Variants in THSD7A observed in about 807,000 individuals in gnomAD.
THSD7A encodes the protein thrombospondin type 1 domain containing 7A.
A neutral mutation model predicts 231.3 loss-of-function variants in THSD7A; 96 were observed. The ratio of observed to expected loss-of-function variants is 0.41; its 90% confidence interval spans 0.35 to 0.49. The LOEUF is 0.49. Among genes scored for constraint, THSD7A ranks in the 20% least tolerant of loss-of-function variants. The pLI is 0.05. For missense variants in THSD7A, 2,290 were observed against 2,070.2 expected, an observed-to-expected ratio of 1.11 and a Z score of -2.06; for synonymous variants, 940 against 743.3, an observed-to-expected ratio of 1.26 and a Z score of -4.30.
chr7:11,507,376 T>G (rs867794582), intron 6 of THSD7A, among the ~76,000 whole-genome samples: 1 of 152,192 alleles, frequency 6.6e-6, no homozygotes. Flanking sequence ...TTTAGTGACT[T>G]TATATATTGT....
chr7:11,426,058 TA>T (rs11342645), intron 15 of THSD7A, among the ~76,000 whole-genome samples: 46,777 of 135,698 alleles, frequency 0.34, 7,330 homozygotes, highest in Middle Eastern at 0.48. Flanking sequence ...TAGAGTATAA[TA>T]AAAAAAAAAA....
At chr7:11,566,419 T>C (rs10280061) in intron 4 of THSD7A, among the ~76,000 whole-genome samples, 78,523 of 152,034 alleles carry the variant, frequency 0.52, 20,437 homozygotes, top group Middle Eastern at 0.67. Context: ...ACTAGGGATA[T>C]GGATTTTTAA....
chr7:11,541,356 A>G (rs1027227718), intron 6 of THSD7A, 63 bp downstream of exon 6: 9 of 1,503,534 alleles, frequency 6.0e-6, no homozygotes, highest in African/African-American at 4.1e-5. Flanking sequence ...ATTTTAACAG[A>G]AAGTAAAAAC....
intron 1 of THSD7A, among the ~76,000 whole-genome samples, chr7:11,735,595 A>G (rs1526533): frequency 0.21 from 32,329 of 151,872 alleles, 4,783 homozygotes; most frequent in African/African-American, 0.42. Context: ...TCTGAAATTC[A>G]AAACATTTCT....
intron 2 of THSD7A, among the ~76,000 whole-genome samples, chr7:11,603,975 A>C (rs1388817605): frequency 1.3e-5 from 2 of 151,836 alleles, no homozygotes; most frequent in African/African-American, 4.8e-5. Context: ...GCATGTATAC[A>C]TATGTAACTA....
chr7:11,529,942 A>G (rs927464660), intron 6 of THSD7A, among the ~76,000 whole-genome samples: 5 of 152,198 alleles, frequency 3.3e-5, no homozygotes, highest in African/African-American at 1.2e-4. Flanking sequence ...CCTAGCATTT[A>G]GCATATATTA....
Position 11,379,136 on chromosome 7 carries a change from G to A in THSD7A, c.4735C>T (p.Pro1579Ser). 1.2e-6 allele frequency: 2 copies of A among 1,613,640 alleles called. No homozygotes were observed. Among genetic ancestry groups the A allele is most frequent in the Non-Finnish European group, 1.7e-6 (2 of 1,179,688 alleles). The change falls in exon 26 of 28, where the codon CCA becomes TCA. Residue 1579 changes from proline to serine, a missense_variant. Transcript: ENST00000423059. The stretch of plus-strand genomic sequence containing the variant: ...GCTGGGTTACTGGAGGGTTGGGTTG[G>A]ATGTACAGCCCGACTGGTTTTCACA... Reference protein sequence around the residue: ...GDVKTSRAVHPTQPSSNPAGR... With the variant: ...GDVKTSRAVHSTQPSSNPAGR...
At chr7:11,717,534 C>CT (rs1781182403) in intron 1 of THSD7A, among the ~76,000 whole-genome samples, 1 of 151,548 alleles carries the variant, frequency 6.6e-6, no homozygotes, top group South Asian at 2.1e-4. Flanking sequence ...GGCCCTTTTT[C>CT]TTTTTCTTTA....
chr7:11,396,587 C>G (rs957977968), intron 23 of THSD7A, among the ~76,000 whole-genome samples: 1 of 152,048 alleles, frequency 6.6e-6, no homozygotes, highest in Non-Finnish European at 1.5e-5. Context: ...CAGGAGGAAG[C>G]TGAATCCCTG....
intron 4 of THSD7A, among the ~76,000 whole-genome samples, chr7:11,562,158 G>A (rs1238282076): frequency 1.3e-5 from 2 of 152,110 alleles, no homozygotes; most frequent in African/African-American, 4.8e-5. Flanking sequence ...TACTTAAAAA[G>A]CAATTTATAT....
intron 1 of THSD7A, among the ~76,000 whole-genome samples, chr7:11,687,436 A>T (rs1486181016): frequency 6.6e-6 from 1 of 151,750 alleles, no homozygotes; most frequent in Non-Finnish European, 1.5e-5. Context: ...ACACACACAC[A>T]CTCACACGTG....
intron 1 of THSD7A, among the ~76,000 whole-genome samples, chr7:11,821,519 C>A (rs546821630): frequency 1.3e-5 from 2 of 151,368 alleles, no homozygotes; most frequent in Non-Finnish European, 2.9e-5. Flanking sequence ...GTGTTCACCT[C>A]AAAAGAAAAA....
intron 1 of THSD7A, among the ~76,000 whole-genome samples, chr7:11,782,936 G>C (rs1216895580): frequency 6.6e-6 from 1 of 152,046 alleles, no homozygotes; most frequent in Non-Finnish European, 1.5e-5. Flanking sequence ...TACAAACTGT[G>C]TTTTTTGTTT....
intron 16 of THSD7A, among the ~76,000 whole-genome samples, chr7:11,421,362 C>T (rs1425360431): frequency 6.6e-6 from 1 of 152,132 alleles, no homozygotes; most frequent in Non-Finnish European, 1.5e-5. Context: ...CTCTCTCCTG[C>T]TGCCATGTGA....
intron 1 of THSD7A, among the ~76,000 whole-genome samples, chr7:11,643,597 A>ACG (rs376151391): frequency 0.4 from 39,039 of 98,228 alleles, 5,481 homozygotes; most frequent in East Asian, 0.44. Flanking sequence ...CACCACACGC[A>ACG]CGCGCGCACA....
Position 11,375,186 on chromosome 7 carries a change from A to C in THSD7A, c.*608T>G, listed in dbSNP as rs1782215877. On this transcript the variant is annotated 3_prime_UTR_variant, in exon 28 of 28. Transcript: ENST00000423059. ...ATTCTTACTTTGGAGAGAGACAAGA[A>C]GTCTTAAAAAAGAGGCTTTGTCTCT... 1 of 152,086 alleles carries C rather than the reference A, an allele frequency of 6.6e-6. No homozygotes were observed. The highest frequency in any genetic ancestry group is 1.9e-4 in the East Asian group (1 of 5,186). 9.4% of individuals were successfully genotyped at this position (152,086 alleles called of 1,614,324 possible).
chr7:11,624,367 A>G (rs968329297), intron 2 of THSD7A, among the ~76,000 whole-genome samples: 1 of 152,050 alleles, frequency 6.6e-6, no homozygotes, highest in Non-Finnish European at 1.5e-5. Context: ...CCTTACCATC[A>G]AGGTCATTAG....
chr7:11,557,208 G>A (rs1382125623), intron 4 of THSD7A, among the ~76,000 whole-genome samples: 1 of 151,792 alleles, frequency 6.6e-6, no homozygotes, highest in Middle Eastern at 3.2e-3. Flanking sequence ...TGATTATTCT[G>A]TATTTTAGTT....
At chr7:11,559,742 A>C (rs1233613608) in intron 4 of THSD7A, among the ~76,000 whole-genome samples, 1 of 152,140 alleles carries the variant, frequency 6.6e-6, no homozygotes, top group Non-Finnish European at 1.5e-5. Flanking sequence ...ATAGGAAACT[A>C]AAAACTAAAA....
Sources: allele counts gnomAD v4.1 joint callset (sites outside exome capture counted in the v4.1 genomes callset), GRCh38; gene constraint gnomAD v4.1.1; transcripts MANE v1.5; gene names NCBI Gene and HGNC (gene_info 2026-07-23, HGNC 2026-07-21).